The following CREBL2 variants were observed in gnomAD, a reference collection of about 807,000 sequenced individuals.
CREBL2 encodes cAMP responsive element binding protein like 2.
CREBL2 carries 4 observed loss-of-function variants against 19.5 expected under a neutral mutation model. The ratio of observed to expected loss-of-function variants is 0.20; its 90% confidence interval spans 0.10 to 0.47. CREBL2 has a LOEUF of 0.47. Ranked by LOEUF, CREBL2 falls within the 20% of genes least tolerant of loss-of-function variation. CREBL2 has a pLI of 0.98. For synonymous variants in CREBL2, 42 were observed against 46.6 expected (o/e 0.90, Z 0.40); for missense variants, 85 against 145.1 (o/e 0.59, Z 2.13).
intron 1 of CREBL2, among the ~76,000 whole-genome samples, chr12:12,628,073 G>A (rs534926408): frequency 6.6e-6 from 1 of 152,120 alleles, no homozygotes; most frequent in South Asian, 2.1e-4. Context: ...GTAGAGATGG[G>A]GTTTCACTAT....
At chr12:12,618,378 C>G (rs186099542) in intron 1 of CREBL2, among the ~76,000 whole-genome samples, 1 of 151,836 alleles carries the variant, frequency 6.6e-6, no homozygotes, top group Non-Finnish European at 1.5e-5. Context: ...AGAGACACTC[C>G]TCAGATCCCA....
At chr12:12,639,483 G>A (rs1945501146) in intron 3 of CREBL2, among the ~76,000 whole-genome samples, 1 of 152,098 alleles carries the variant, frequency 6.6e-6, no homozygotes, top group South Asian at 2.1e-4. Flanking sequence ...TAAAACTATA[G>A]CCATCCTAAT....
At chr12:12,614,936 CA>C (rs1945298311) in intron 1 of CREBL2, 1 of 208,226 alleles carries the variant, frequency 4.8e-6, no homozygotes, top group Non-Finnish European at 9.9e-6. Flanking sequence ...CAGCTCACTG[CA>C]ATCTCTACCT....
At chr12:12,617,634 T>A (rs1945320532) in intron 1 of CREBL2, among the ~76,000 whole-genome samples, 1 of 143,838 alleles carries the variant, frequency 7.0e-6, no homozygotes, top group South Asian at 2.3e-4. Context: ...GATGCTCATT[T>A]TAGTAATTCT....
intron 1 of CREBL2, among the ~76,000 whole-genome samples, chr12:12,630,038 A>C (rs1945432046): frequency 6.6e-6 from 1 of 152,090 alleles, no homozygotes; most frequent in African/African-American, 2.4e-5. Flanking sequence ...TTTGCATATA[A>C]ATTCACAAGA....
chr12:12,633,782 T>C (rs1284315864), intron 1 of CREBL2, among the ~76,000 whole-genome samples: 1 of 152,216 alleles, frequency 6.6e-6, no homozygotes, highest in Non-Finnish European at 1.5e-5. Flanking sequence ...GTGATACTAA[T>C]AGTGATTTCA....
chr12:12,622,432 A>G (rs1945366401), intron 1 of CREBL2, among the ~76,000 whole-genome samples: 1 of 152,222 alleles, frequency 6.6e-6, no homozygotes, highest in Admixed American at 6.5e-5. Flanking sequence ...ATAAACTGAA[A>G]AGAGAGGTCA....
chr12:12,633,617 C>T (rs941897935), intron 1 of CREBL2, among the ~76,000 whole-genome samples: 2 of 152,094 alleles, frequency 1.3e-5, no homozygotes, highest in African/African-American at 4.8e-5. Flanking sequence ...CATTTCAGAG[C>T]CACCCCACAA....
chr12:12,642,561 A>T lies in CREBL2; in HGVS notation c.*563A>T, dbSNP rs1945531519. The T allele has an allele frequency of 6.6e-6, 1 of 152,662 alleles. No individual in the cohort carries two copies. The highest frequency in any genetic ancestry group is 2.1e-4 in the South Asian group (1 of 4,834). The allele number at this position is 152,662 out of a possible 1,614,324, so 9.5% of individuals were successfully genotyped here. On this transcript the variant is annotated 3_prime_UTR_variant, in exon 4 of 4. Coordinates refer to ENST00000228865, the MANE Select transcript of CREBL2 (RefSeq NM_001310.4). ...TGAGCCATTCCAGCATAAGCTGTGA[A>T]TATGTATTAACAAATATATACATTT...
At chr12:12,613,031 C>T (rs1479053405) in intron 1 of CREBL2, among the ~76,000 whole-genome samples, 3 of 152,058 alleles carry the variant, frequency 2.0e-5, no homozygotes, top group Non-Finnish European at 2.9e-5. Flanking sequence ...ACCACCATGC[C>T]CGGCTAATTT....
intron 1 of CREBL2, among the ~76,000 whole-genome samples, chr12:12,619,467 TGTG>T (rs1040151006): frequency 6.6e-6 from 1 of 151,710 alleles, no homozygotes; most frequent in Non-Finnish European, 1.5e-5. Context: ...ATTATCCAGG[TGTG>T]GTGGTATGCA....
At position 12,643,350 on chromosome 12, in the gene CREBL2, G is replaced by A. The variant is rs913690565; in HGVS notation, c.*1352G>A. On this transcript the variant is annotated 3_prime_UTR_variant, in exon 4 of 4. Coordinates refer to ENST00000228865, the MANE Select transcript of CREBL2 (RefSeq NM_001310.4). ...CCAGAAATCTTTTGATTTCCCCAGC[G>A]AGATACTTACCACTCTCTCTTCTCT... The A allele has an allele frequency of 2.0e-5, 3 of 152,592 alleles. No homozygotes were observed. Among genetic ancestry groups the A allele is most frequent in the Non-Finnish European group, 2.9e-5 (2 of 68,028 alleles). The allele number at this position is 152,592 out of a possible 1,614,324, so 9.5% of individuals were successfully genotyped here.
At chr12:12,632,645 A>G (rs1945449785) in intron 1 of CREBL2, 1 of 152,146 alleles carries the variant, frequency 6.6e-6, no homozygotes, top group South Asian at 2.1e-4. Context: ...CATGAAGAAT[A>G]GATGTCATTA....
chr12:12,618,240 G>A (rs1242669419), intron 1 of CREBL2, among the ~76,000 whole-genome samples: 24 of 151,512 alleles, frequency 1.6e-4, no homozygotes, highest in African/African-American at 4.6e-4. Flanking sequence ...CAGACGGGGC[G>A]GCTGCCGGGC....
intron 1 of CREBL2, among the ~76,000 whole-genome samples, chr12:12,612,407 C>T (rs1274501579): frequency 6.6e-6 from 1 of 152,168 alleles, no homozygotes; most frequent in Non-Finnish European, 1.5e-5. Flanking sequence ...ATTTTTCACT[C>T]CCAGGGCGTT....
chr12:12,630,585 CTTTAT>C (rs1200240551), intron 1 of CREBL2, among the ~76,000 whole-genome samples: 6 of 152,106 alleles, frequency 3.9e-5, no homozygotes, highest in Admixed American at 6.5e-5. Flanking sequence ...TATTTCCATT[CTTTAT>C]TTTATTCATC....
chr12:12,627,496 TTG>T (rs1945410875), intron 1 of CREBL2, among the ~76,000 whole-genome samples: 1 of 152,258 alleles, frequency 6.6e-6, no homozygotes, highest in East Asian at 1.9e-4. Flanking sequence ...CCTTTTGTAT[TTG>T]TCTTTCACTT....
At chr12:12,614,790 C>A in intron 1 of CREBL2, 2 of 387,128 alleles carry the variant, frequency 5.2e-6, no homozygotes, top group Non-Finnish European at 1.0e-5. Context: ...TACAACAATG[C>A]CAACAGAATG....
chr12:12,636,841 G>A (rs1049634711), intron 2 of CREBL2, among the ~76,000 whole-genome samples: 1 of 152,218 alleles, frequency 6.6e-6, no homozygotes, highest in African/African-American at 2.4e-5. Context: ...TGTGAGCTGA[G>A]GGAGGAAGTG....
Sources: gnomAD v4.1 joint callset for allele counts (sites outside exome capture counted in the v4.1 genomes callset) on GRCh38, gnomAD v4.1.1 for gene constraint, MANE v1.5 for transcripts, NCBI Gene and HGNC (gene_info 2026-07-23, HGNC 2026-07-21) for gene names.